Variants in DDX60L observed in about 807,000 individuals in gnomAD.
DDX60L encodes the protein DExD/H-box 60 like, also known as probable ATP-dependent RNA helicase DDX60-like.
Under a neutral mutation model 211.6 loss-of-function variants are expected in DDX60L, and 191 were observed. The ratio of observed to expected loss-of-function variants is 0.90; its 90% confidence interval spans 0.80 to 1.02. DDX60L has a LOEUF of 1.02. Among genes scored for constraint, DDX60L ranks in the 50% least tolerant of loss-of-function variants. The probability of loss-of-function intolerance (pLI) is 0.00; values close to 1 mark genes in which losing one functional copy is unlikely to be tolerated. For missense variants in DDX60L, 2,007 were observed against 1,984.1 expected (o/e 1.01, Z -0.22); for synonymous variants, 706 against 694.1 (o/e 1.02, Z -0.27).
At chr4:168,384,558 C>T (rs1198444134) in intron 30 of DDX60L, 54 bp downstream of exon 30, 7 of 1,607,718 alleles carry the variant, frequency 4.4e-6, no homozygotes, top group Non-Finnish European at 4.3e-6. Context: ...GCAGACCTGA[C>T]TAGAGCCAGG....
intron 29 of DDX60L, among the ~76,000 whole-genome samples, chr4:168,386,688 A>T (rs1388580203): frequency 6.6e-6 from 1 of 152,018 alleles, no homozygotes; most frequent in Non-Finnish European, 1.5e-5. Flanking sequence ...ATGTTTTTTT[A>T]ATCAAAGTCA....
At chr4:168,399,196 G>A (rs1746349712) in intron 26 of DDX60L, among the ~76,000 whole-genome samples, 1 of 152,224 alleles carries the variant, frequency 6.6e-6, no homozygotes. Flanking sequence ...AAACAGGGCT[G>A]AAACACACCC....
chr4:168,400,389 G>A (rs571275379), intron 26 of DDX60L, among the ~76,000 whole-genome samples: 2 of 152,224 alleles, frequency 1.3e-5, no homozygotes, highest in East Asian at 1.9e-4. Flanking sequence ...CCCAGCAATG[G>A]GATTGCTGGG....
chr4:168,437,340 G>A, intron 10 of DDX60L, among the ~76,000 whole-genome samples: 1 of 152,150 alleles, frequency 6.6e-6, no homozygotes, highest in Non-Finnish European at 1.5e-5. Context: ...ACAGAGAGAA[G>A]GAGAACACTA....
chr4:168,448,873 T>C (rs1755228762), intron 8 of DDX60L, 94 bp from the exon 9 acceptor site: 1 of 1,129,596 alleles, frequency 8.9e-7, no homozygotes, highest in Non-Finnish European at 1.3e-6. Context: ...CAAGGGACAT[T>C]TCTGGGTGGA....
chr4:168,442,652 G>C (rs1754083172), intron 9 of DDX60L, among the ~76,000 whole-genome samples: 1 of 151,790 alleles, frequency 6.6e-6, no homozygotes, highest in South Asian at 2.1e-4. Context: ...AGAGAGCAGT[G>C]GTTCTCCCAG....
chr4:168,359,219 A>G (rs1408780473), intron 37 of DDX60L, among the ~76,000 whole-genome samples: 1 of 152,198 alleles, frequency 6.6e-6, no homozygotes, highest in Non-Finnish European at 1.5e-5. Context: ...GTGGCTGAAT[A>G]TTAGGAATGA....
At chr4:168,434,899 T>C (rs1192993942) in intron 10 of DDX60L, among the ~76,000 whole-genome samples, 1 of 152,192 alleles carries the variant, frequency 6.6e-6, no homozygotes, top group East Asian at 1.9e-4. Flanking sequence ...CTAAATCCCT[T>C]TGAAGAAGGA....
chr4:168,408,051 A>T (rs1748062215), intron 22 of DDX60L, among the ~76,000 whole-genome samples: 1 of 152,228 alleles, frequency 6.6e-6, no homozygotes, highest in Admixed American at 6.5e-5. Flanking sequence ...TCAGAAGGTG[A>T]GGATTTCAGT....
At chr4:168,455,811 C>T (rs2712142) in intron 7 of DDX60L, among the ~76,000 whole-genome samples, 121,059 of 152,232 alleles carry the variant, frequency 0.8, 48,221 homozygotes, top group East Asian at 0.89. Flanking sequence ...CACTAAATTA[C>T]GTAACATAAT....
rs755500763 is a variant in DDX60L, at chr4:168,421,750, C to T, written c.2394+10G>A. On this transcript the variant is annotated intron_variant, in intron 17 of 37. Coordinates refer to ENST00000682922, the MANE Select transcript of DDX60L (RefSeq NM_001012967.3). The stretch of plus-strand genomic sequence containing the variant: ...AACAAAAGCAAAAATGAAAGTCATT[C>T]AAACACTACCTTTGCGGGTGCAACG... The T allele has an allele frequency of 3.1e-6, 5 of 1,613,278 alleles. No individual in the cohort carries two copies. In the Admixed American group the frequency reaches 8.3e-5, roughly 27 times the overall value.
At chr4:168,394,204 TAA>T (rs578223585) in intron 28 of DDX60L, among the ~76,000 whole-genome samples, 2 of 139,776 alleles carry the variant, frequency 1.4e-5, no homozygotes, top group African/African-American at 2.6e-5. Flanking sequence ...TAATAAAAAT[TAA>T]AAAAAAAAAA....
chr4:168,399,710 G>A (rs746394126), intron 26 of DDX60L, among the ~76,000 whole-genome samples: 3 of 152,154 alleles, frequency 2.0e-5, no homozygotes, highest in Non-Finnish European at 4.4e-5. Context: ...GGATGGAGAG[G>A]ATGGCAAGGA....
At chr4:168,395,783 TAGAACTTTAG>T in intron 27 of DDX60L, 166 bp downstream of exon 27, 1 of 558,854 alleles carries the variant, frequency 1.8e-6, no homozygotes, top group Non-Finnish European at 3.1e-6. Flanking sequence ...GAGTCACTTA[TAGAACTTTAG>T]CACATTAAAT....
chr4:168,373,656 C>A lies in DDX60L; in HGVS notation c.4776+10G>T. ...ACACATTTTGTACATAAGATGTATC[C>A]TTCACTTACCTGGTTGATAGTCTCT... On this transcript the variant is annotated intron_variant, in intron 35 of 37. Coordinates refer to ENST00000682922, the MANE Select transcript of DDX60L (RefSeq NM_001012967.3). 1 of 1,611,988 alleles carries A rather than the reference C, an allele frequency of 6.2e-7. No homozygotes were observed. Among genetic ancestry groups the A allele is most frequent in the East Asian group, 2.2e-5 (1 of 44,860 alleles).
intron 22 of DDX60L, among the ~76,000 whole-genome samples, chr4:168,413,564 GAATC>G (rs1749038893): frequency 6.6e-6 from 1 of 151,698 alleles, no homozygotes; most frequent in Non-Finnish European, 1.5e-5. Flanking sequence ...TAATTAAAAA[GAATC>G]AAGCAAAAGC....
At chr4:168,363,009 T>C (rs1377553660) in intron 36 of DDX60L, among the ~76,000 whole-genome samples, 1 of 152,144 alleles carries the variant, frequency 6.6e-6, no homozygotes. Context: ...CTGAGGCACA[T>C]TATAACCAAA....
At chr4:168,387,120 C>T (rs2149706419) in intron 29 of DDX60L, among the ~76,000 whole-genome samples, 1 of 152,304 alleles carries the variant, frequency 6.6e-6, no homozygotes, top group Middle Eastern at 3.4e-3. Context: ...ACAGAATGGA[C>T]TCCTGTGGCT....
In DDX60L at chr4:168,438,926, T is replaced by C. The variant is rs138300509; in HGVS notation, c.1294+2411A>G. 1.5e-3 allele frequency among the ~76,000 whole-genome samples: 236 copies of C among 152,376 alleles called. 4 individuals carry two copies. The South Asian group carries it at 0.045, about 29-fold the overall frequency. ...TGTTTTCTTCTTTTATCAGTTTACATACAATGTAGTCATAATAGTGTGCTT... is the reference window on the plus strand; with the variant it reads ...TGTTTTCTTCTTTTATCAGTTTACACACAATGTAGTCATAATAGTGTGCTT... On this transcript the variant is annotated intron_variant, in intron 10 of 37. Coordinates refer to ENST00000682922, the MANE Select transcript of DDX60L (RefSeq NM_001012967.3).
Sources: gnomAD v4.1 joint callset for allele counts (sites outside exome capture counted in the v4.1 genomes callset) on GRCh38, gnomAD v4.1.1 for gene constraint, MANE v1.5 for transcripts, NCBI Gene and HGNC (gene_info 2026-07-23, HGNC 2026-07-21) for gene names.